DLG5: variants seen among roughly 807,000 people sequenced by gnomAD.
DLG5 encodes discs large MAGUK scaffold protein 5.
A neutral mutation model predicts 189.8 loss-of-function variants in DLG5; 48 were observed. That is an observed-to-expected ratio of 0.25 (90% CI 0.20 to 0.32). The LOEUF is 0.32. Ranked by LOEUF, DLG5 falls within the 10% of genes least tolerant of loss-of-function variation. DLG5 has a pLI of 1.00. For synonymous variants in DLG5, 1,016 were observed against 1,054.1 expected (o/e 0.96, Z 0.70); for missense variants, 2,160 against 2,544.7 (o/e 0.85, Z 3.25).
intron 30 of DLG5, 22 bp downstream of exon 30, chr10:77,794,827 G>T (rs1177200696): frequency 1.3e-6 from 2 of 1,596,552 alleles, no homozygotes; most frequent in Non-Finnish European, 1.7e-6. Flanking sequence ...CCCCAGCGGA[G>T]CCCAGGGGGC....
chr10:77,926,258 A>G lies in DLG5; in HGVS notation c.263T>C (p.Leu88Pro). 3.8e-6 allele frequency: 6 copies of G among 1,558,664 alleles called. No homozygotes were observed. The highest frequency in any genetic ancestry group is 5.2e-6 in the Non-Finnish European group (6 of 1,153,768). ...CTGCGGCGGCCCGACGACGCCGTTCAGGTAGAGAATGGGCAGCAGGTGAGG... is the reference window on the plus strand; with the variant it reads ...CTGCGGCGGCCCGACGACGCCGTTCGGGTAGAGAATGGGCAGCAGGTGAGG... ...TQPHLLPILY[L>P]NGVVGPPQPA... Residue 88 changes from leucine to proline, a missense_variant, in exon 1 of 32, where the codon CTG (leucine) becomes CCG (proline). By Grantham distance (98) the Leu-to-Pro change is moderately conservative. Transcript: ENST00000372391. This position sits in a 1 kb window ranked among gnomAD's most constrained non-coding sequence, Gnocchi z 5.2.
rs754913873 is a variant in DLG5, at chr10:77,796,421, T to C, written c.5308+30A>G. On this transcript the variant is annotated intron_variant, in intron 28 of 31. Coordinates refer to ENST00000372391, the MANE Select transcript of DLG5 (RefSeq NM_004747.4). This position sits in a 1 kb window ranked among gnomAD's most constrained non-coding sequence, Gnocchi z 5.2. ...AGGGACATAGAGACAAAGAGCCCAG[T>C]AGGCACAGAGGGTGCCCCGTGCCCC... The C allele has an allele frequency of 1.9e-6, 3 of 1,613,878 alleles. No homozygotes were observed. Among genetic ancestry groups the C allele is most frequent in the East Asian group, 2.2e-5 (1 of 44,890 alleles).
chr10:77,803,015 T>C (rs977754517), intron 27 of DLG5, among the ~76,000 whole-genome samples: 7 of 152,210 alleles, frequency 4.6e-5, no homozygotes, highest in Non-Finnish European at 8.8e-5. Context: ...AAGCAATGAT[T>C]TCTCTTAGCA....
intron 1 of DLG5, among the ~76,000 whole-genome samples, chr10:77,873,316 T>C (rs1351236413): frequency 1.3e-5 from 2 of 151,822 alleles, no homozygotes; most frequent in Admixed American, 1.3e-4. Flanking sequence ...CCAGGGCACA[T>C]GCTCTACACA....
chr10:77,867,718 T>C (rs1472251974), intron 2 of DLG5, among the ~76,000 whole-genome samples: 1 of 152,236 alleles, frequency 6.6e-6, no homozygotes, highest in Non-Finnish European at 1.5e-5. Context: ...TAAATGTGAA[T>C]GTGAACCTTA....
intron 1 of DLG5, among the ~76,000 whole-genome samples, chr10:77,899,224 A>G (rs972175493): frequency 6.6e-6 from 1 of 152,016 alleles, no homozygotes; most frequent in African/African-American, 2.4e-5. Flanking sequence ...AGACTGGGGG[A>G]GCTCAGCACC....
Position 77,821,098 on chromosome 10 carries a change from G to A in DLG5, c.3386C>T (p.Pro1129Leu), listed in dbSNP as rs575855095. 2 of 1,612,582 alleles carry A rather than the reference G, an allele frequency of 1.2e-6. No homozygotes were observed. The highest frequency in any genetic ancestry group is 1.1e-5 in the South Asian group (1 of 90,870). Residue 1129 changes from proline to leucine, a missense_variant, in exon 15 of 32, where the codon CCT (proline) becomes CTT (leucine). This residue lies in a region of DLG5 where 754 missense variants were observed against 746.5 expected (regional missense o/e 1.01). Coordinates refer to ENST00000372391, the MANE Select transcript of DLG5 (RefSeq NM_004747.4). ...CAGCTATACCTCCAGGAACTGAGCA[G>A]GAATCACTACTGGAGCAAGCTTCGG... is the stretch of plus-strand genomic sequence containing the variant. ...FRPKLAPVVIPAQFLEEQKCV... is the reference protein window; with the variant it reads ...FRPKLAPVVILAQFLEEQKCV...
intron 1 of DLG5, among the ~76,000 whole-genome samples, chr10:77,879,056 C>T (rs139657523): frequency 2.0e-5 from 3 of 152,036 alleles, no homozygotes; most frequent in Admixed American, 6.5e-5. Context: ...GTGACAGGGG[C>T]GGGGGAGAAA....
At chr10:77,918,352 G>T (rs1010462899) in intron 1 of DLG5, among the ~76,000 whole-genome samples, 2 of 151,790 alleles carry the variant, frequency 1.3e-5, no homozygotes, top group Non-Finnish European at 2.9e-5. Context: ...GGCGAAGGTT[G>T]CATGAGCCGA....
intron 27 of DLG5, among the ~76,000 whole-genome samples, chr10:77,798,937 T>A (rs772173324): frequency 1.4e-4 from 21 of 152,334 alleles, no homozygotes; most frequent in Non-Finnish European, 2.5e-4. Flanking sequence ...TGCAGTGTAA[T>A]CCCAGCTTTG....
chr10:77,795,973 G>A (rs1377224162), intron 29 of DLG5, 88 bp downstream of exon 29: 2 of 1,589,726 alleles, frequency 1.3e-6, no homozygotes, highest in Non-Finnish European at 1.7e-6. Context: ...TGAGCCGCTG[G>A]GGCAGAGGAT....
In DLG5 at chr10:77,828,924, G is replaced by A. The variant is rs774036763; in HGVS notation, c.2247C>T (p.Ala749=). The A allele has an allele frequency of 1.2e-5, 19 of 1,614,132 alleles. No individual in the cohort carries two copies. In the African/African-American group the frequency reaches 1.2e-4, roughly 10 times the overall value. Residue 749 remains alanine (A), a synonymous_variant, in exon 13 of 32, where the codon GCC becomes GCT. Transcript: ENST00000372391. ...YAAAVLPGSP[A]AKEGSLAVGD... is the part of the protein sequence containing the mutation. ...CCACAGCAAGGGACCCTTCTTTAGC[G>A]GCAGGGCTTCCAGGCAGCACAGCGG...
rs77861572 is a variant in DLG5 at position 77,924,309 on chromosome 10, A to C, written c.304+1908T>G. ...TGAAATCAATGCCCTAGGGGATAAA[A>C]TCCAAACCCTAATCTCTGCCTTCCT... On this transcript the variant is annotated intron_variant, in intron 1 of 31. Coordinates refer to ENST00000372391, the MANE Select transcript of DLG5 (RefSeq NM_004747.4). 8.2e-3 allele frequency among the ~76,000 whole-genome samples: 1,251 copies of C among 152,324 alleles called. 19 individuals are homozygous for C. Among genetic ancestry groups the C allele is most frequent in the African/African-American group, 0.027 (1,137 of 41,576 alleles).
At chr10:77,894,889 G>C (rs774286355) in intron 1 of DLG5, among the ~76,000 whole-genome samples, 1 of 152,232 alleles carries the variant, frequency 6.6e-6, no homozygotes, top group Non-Finnish European at 1.5e-5. Context: ...GTCTTGTACC[G>C]GTCTCTGTTC....
intron 27 of DLG5, among the ~76,000 whole-genome samples, chr10:77,803,181 G>A (rs1841302767): frequency 6.6e-6 from 1 of 152,146 alleles, no homozygotes; most frequent in Non-Finnish European, 1.5e-5. Context: ...CAAGAAAGAA[G>A]GGACAAACAT....
chr10:77,856,966 G>A (rs1292772813), intron 2 of DLG5, 74 bp from the exon 3 acceptor site: 2 of 1,435,024 alleles, frequency 1.4e-6, no homozygotes, highest in Non-Finnish European at 1.9e-6. Flanking sequence ...GTCCTGAGCT[G>A]TTGGCTTGTG....
At chr10:77,874,844 T>A (rs145040931) in intron 1 of DLG5, among the ~76,000 whole-genome samples, 16 of 152,326 alleles carry the variant, frequency 1.1e-4, no homozygotes, top group African/African-American at 3.6e-4. Context: ...CCCTTCCAAC[T>A]CTGCTGTTCA....
At chr10:77,882,032 G>T (rs1201547292) in intron 1 of DLG5, among the ~76,000 whole-genome samples, 2 of 152,194 alleles carry the variant, frequency 1.3e-5, no homozygotes, top group African/African-American at 4.8e-5. Flanking sequence ...CTACTTCGTG[G>T]GCTGCATTGA....
At chr10:77,865,820 G>C (rs1422459624) in intron 2 of DLG5, among the ~76,000 whole-genome samples, 1 of 152,102 alleles carries the variant, frequency 6.6e-6, no homozygotes, top group Non-Finnish European at 1.5e-5. Context: ...TGCCTTTAAG[G>C]CTGTTGGCAA....
Sources: gnomAD v4.1 joint callset for allele counts (sites outside exome capture counted in the v4.1 genomes callset) on GRCh38, gnomAD v4.1.1 for gene constraint, gnomAD v4.1.1 regional missense constraint, Gnocchi (gnomAD v3.1) non-coding constraint, MANE v1.5 for transcripts, NCBI Gene and HGNC (gene_info 2026-07-23, HGNC 2026-07-21) for gene names.